The following RYR2 variants were observed in gnomAD, a reference collection of about 807,000 sequenced individuals.
RYR2 encodes cardiac muscle ryanodine receptor-calcium release channel.
A neutral mutation model predicts 601.1 loss-of-function variants in RYR2; 227 were observed. The ratio of observed to expected loss-of-function variants is 0.38; its 90% CI spans 0.34 to 0.42. The LOEUF is 0.42. Among genes scored for constraint, RYR2 ranks in the 10% least tolerant of loss-of-function variants. RYR2 has a pLI of 1.00. For synonymous variants in RYR2, 2,223 were observed against 2,175.1 expected (o/e 1.02, Z -0.61); for missense variants, 4,646 against 6,156.5 (o/e 0.75, Z 8.21).
At chr1:237,199,266 A>G (rs1340143809) in intron 1 of RYR2, among the ~76,000 whole-genome samples, 5 of 152,226 alleles carry the variant, frequency 3.3e-5, no homozygotes, top group African/African-American at 1.2e-4. Context: ...AGGTCCCACA[A>G]TAGGCCATCT....
chr1:237,769,736 GTTCT>G (rs1428016030), intron 84 of RYR2, among the ~76,000 whole-genome samples: 1 of 133,642 alleles, frequency 7.5e-6, no homozygotes, highest in African/African-American at 2.8e-5. Flanking sequence ...TCTGTAAAAA[GTTCT>G]TTTTTTTTTT....
At chr1:237,278,410 A>T in intron 2 of RYR2, among the ~76,000 whole-genome samples, 1 of 151,820 alleles carries the variant, frequency 6.6e-6, no homozygotes. Context: ...TTTAAAGCTC[A>T]AATTGGATAA....
intron 101 of RYR2, among the ~76,000 whole-genome samples, chr1:237,824,843 A>C (rs909685122): frequency 6.6e-6 from 1 of 152,200 alleles, no homozygotes; most frequent in African/African-American, 2.4e-5. Flanking sequence ...TACAAAATCA[A>C]TGTGCAAAAA....
chr1:237,729,791 A>G (rs940442219), intron 76 of RYR2, among the ~76,000 whole-genome samples: 12 of 152,124 alleles, frequency 7.9e-5, no homozygotes, highest in African/African-American at 2.7e-4. Context: ...TTGTTTTGGA[A>G]TCCTCAGGGC....
intron 56 of RYR2, among the ~76,000 whole-genome samples, chr1:237,663,378 AC>A (rs1484463135): frequency 6.6e-6 from 1 of 152,236 alleles, no homozygotes; most frequent in African/African-American, 2.4e-5. Flanking sequence ...TAAAAGGAAT[AC>A]AAATGGATGA....
intron 15 of RYR2, among the ~76,000 whole-genome samples, chr1:237,454,911 A>T (rs2150220295): frequency 6.6e-6 from 1 of 152,244 alleles, no homozygotes; most frequent in South Asian, 2.1e-4. Context: ...GTCTGTACGA[A>T]TACAGGCTTT....
intron 21 of RYR2, among the ~76,000 whole-genome samples, chr1:237,501,611 C>CAGTTATTCTTTT (rs1426682550): frequency 6.6e-6 from 1 of 152,132 alleles, no homozygotes; most frequent in Non-Finnish European, 1.5e-5. Context: ...CCATTTGTTT[C>CAGTTATTCTTTT]AGTTATTCTT....
chr1:237,637,646 T>C (rs986381012), intron 44 of RYR2, among the ~76,000 whole-genome samples: 2 of 152,234 alleles, frequency 1.3e-5, no homozygotes, highest in Non-Finnish European at 2.9e-5. Flanking sequence ...TGATATATCA[T>C]TTTGGAAACA....
chr1:237,508,125 G>A (rs1178340442), intron 23 of RYR2, among the ~76,000 whole-genome samples: 7 of 151,948 alleles, frequency 4.6e-5, no homozygotes, highest in Admixed American at 3.9e-4. Flanking sequence ...CACCACACGT[G>A]GCTAATTTTG....
chr1:237,800,801 G>T (rs757952589), intron 97 of RYR2, among the ~76,000 whole-genome samples: 74 of 152,146 alleles, frequency 4.9e-4, no homozygotes, highest in Non-Finnish European at 5.4e-4. Flanking sequence ...ATTTACTTTA[G>T]TATTTATCCA....
intron 29 of RYR2, among the ~76,000 whole-genome samples, chr1:237,576,455 G>A (rs1027709136): frequency 1.3e-5 from 2 of 152,114 alleles, no homozygotes; most frequent in African/African-American, 2.4e-5. Flanking sequence ...AACTGATATA[G>A]AAACAGATGC....
At chr1:237,809,190 T>C (rs1340499079) in intron 100 of RYR2, among the ~76,000 whole-genome samples, 155 bp downstream of exon 100, 1 of 152,232 alleles carries the variant, frequency 6.6e-6, no homozygotes, top group African/African-American at 2.4e-5. Flanking sequence ...AGTTTTCAAT[T>C]TTAGCAGAAC....
rs931372029 is a variant in RYR2, at chr1:237,731,752, C to A, written c.10936-294C>A. Among the ~76,000 whole-genome samples, 3 of 152,060 alleles carry A rather than the reference C, an allele frequency of 2.0e-5. No individual in the cohort carries two copies. The South Asian group carries it at 6.2e-4, about 32-fold the overall frequency. ...TTTACAATGGTAATGTAACAGATAT[C>A]TAGCATATTATATTACATTTATATA... On this transcript the variant is annotated intron_variant, in intron 77 of 104. Coordinates refer to ENST00000366574, the MANE Select transcript of RYR2 (RefSeq NM_001035.3).
chr1:237,598,083 G>T (rs1384824491), intron 34 of RYR2, among the ~76,000 whole-genome samples: 2 of 152,092 alleles, frequency 1.3e-5, no homozygotes, highest in Non-Finnish European at 2.9e-5. Context: ...GTCAAAGAAG[G>T]TCATTAATAG....
At chr1:237,435,475 T>G (rs1707249667) in intron 12 of RYR2, among the ~76,000 whole-genome samples, 1 of 152,218 alleles carries the variant, frequency 6.6e-6, no homozygotes, top group Non-Finnish European at 1.5e-5. Flanking sequence ...AGATGAATTT[T>G]GCATTTACTT....
chr1:237,192,095 G>A (rs1236364098), intron 1 of RYR2, among the ~76,000 whole-genome samples: 1 of 150,786 alleles, frequency 6.6e-6, no homozygotes, highest in Non-Finnish European at 1.5e-5. Context: ...CAGGTGATTT[G>A]TTTGAGGCCT....
chr1:237,729,735 G>T (rs1352549453), intron 76 of RYR2, among the ~76,000 whole-genome samples: 1 of 152,032 alleles, frequency 6.6e-6, no homozygotes, highest in African/African-American at 2.4e-5. Flanking sequence ...GTAGTGCAGG[G>T]TTTAATCTTT....
intron 11 of RYR2, among the ~76,000 whole-genome samples, chr1:237,420,048 T>C (rs2150043302): frequency 6.6e-6 from 1 of 151,790 alleles, no homozygotes; most frequent in East Asian, 1.9e-4. Context: ...TCCTATACTA[T>C]ATATTTGTTG....
intron 1 of RYR2, among the ~76,000 whole-genome samples, chr1:237,191,597 G>A (rs1029452327): frequency 3.3e-5 from 5 of 152,234 alleles, no homozygotes; most frequent in African/African-American, 2.4e-5. Context: ...TGCCAAGTGC[G>A]TGTTCCGATT....
Sources: gnomAD v4.1 joint callset for allele counts (sites outside exome capture counted in the v4.1 genomes callset) on GRCh38, gnomAD v4.1.1 for gene constraint, MANE v1.5 for transcripts, NCBI Gene and HGNC (gene_info 2026-07-23, HGNC 2026-07-21) for gene names.